The following USP34 variants were observed in gnomAD, a reference collection of about 807,000 sequenced individuals.
The protein encoded by USP34 is ubiquitin specific peptidase 34.
Under a neutral mutation model 460.3 loss-of-function variants are expected in USP34, and 70 were observed. That is an observed-to-expected ratio of 0.15 (90% CI 0.13 to 0.19). USP34 has a LOEUF of 0.19. Ranked by LOEUF, USP34 falls within the 10% of genes least tolerant of loss-of-function variation. The pLI is 1.00. For synonymous variants in USP34, 1,647 were observed against 1,405.3 expected, an observed-to-expected ratio of 1.17 and a Z score of -3.85; for missense variants, 3,985 against 4,236.2, an observed-to-expected ratio of 0.94 and a Z score of 1.65.
chr2:61,195,274 G>C (rs371175022), intron 75 of USP34, among the ~76,000 whole-genome samples: 1 of 151,634 alleles, frequency 6.6e-6, no homozygotes, highest in African/African-American at 2.4e-5. Flanking sequence ...TCAAACTCCT[G>C]GCATAATTCA....
At chr2:61,190,200 CAT>C in intron 78 of USP34, 69 bp downstream of exon 78, 1 of 1,509,666 alleles carries the variant, frequency 6.6e-7, no homozygotes, top group East Asian at 2.3e-5. Context: ...AGAGTAAAAT[CAT>C]ATGAAGGCCA....
intron 1 of USP34, among the ~76,000 whole-genome samples, chr2:61,453,015 A>G (rs1384050206): frequency 6.6e-6 from 1 of 152,072 alleles, no homozygotes; most frequent in African/African-American, 2.4e-5. Flanking sequence ...TAAAAATAGA[A>G]TATCTAATAT....
At chr2:61,295,144 T>C (rs776741907) in intron 31 of USP34, 24 bp downstream of exon 31, 65 of 1,601,104 alleles carry the variant, frequency 4.1e-5, no homozygotes, top group Non-Finnish European at 1.4e-5. Flanking sequence ...AAACATTTAA[T>C]GATAATAATG....
intron 2 of USP34, among the ~76,000 whole-genome samples, chr2:61,415,512 T>A (rs1320759439): frequency 2.0e-5 from 3 of 152,218 alleles, no homozygotes; most frequent in African/African-American, 7.2e-5. Context: ...GAAATCCTTA[T>A]ATATCATAAC....
intron 70 of USP34, chr2:61,208,068 G>GT (rs1019002544): frequency 1.3e-5 from 2 of 152,292 alleles, no homozygotes; most frequent in South Asian, 2.1e-4. Context: ...TTTTAACCCT[G>GT]TAATAGTCCT....
At chr2:61,227,743 AAAAC>A (rs1001109989) in intron 61 of USP34, among the ~76,000 whole-genome samples, 2 of 151,980 alleles carry the variant, frequency 1.3e-5, no homozygotes, top group African/African-American at 4.8e-5. Context: ...AAACAAAAAA[AAAAC>A]AAAAAACCTC....
At chr2:61,351,836 C>T (rs973508613) in intron 10 of USP34, among the ~76,000 whole-genome samples, 6 of 151,982 alleles carry the variant, frequency 3.9e-5, no homozygotes, top group Non-Finnish European at 7.4e-5. Context: ...CACTAAGTAT[C>T]CATTTAAAAA....
intron 48 of USP34, among the ~76,000 whole-genome samples, chr2:61,252,259 A>G (rs911239844): frequency 5.9e-5 from 9 of 152,188 alleles, no homozygotes; most frequent in African/African-American, 2.2e-4. Flanking sequence ...GACCCTATAT[A>G]AGTTACTTAA....
chr2:61,380,245 T>C lies in USP34; in HGVS notation c.938A>G (p.Glu313Gly). 2 of 1,614,190 alleles carry C rather than the reference T, an allele frequency of 1.2e-6. No homozygotes were observed. Among genetic ancestry groups the C allele is most frequent in the Non-Finnish European group, 1.7e-6 (2 of 1,180,016 alleles). ...PLDTTLCFDK[E>G]SLDLAFKYFM... Reference sequence around the variant, plus strand: ...GTACTTAAATGCAAGATCTAGGCTTTCTTTATCAAAGCATAATGTTGTATC... The same window carrying C: ...GTACTTAAATGCAAGATCTAGGCTTCCTTTATCAAAGCATAATGTTGTATC... Residue 313 changes from glutamate to glycine, a missense_variant, in exon 7 of 80, where the codon GAA becomes GGA. Physicochemically the swap from Glu to Gly is moderately conservative, Grantham distance 98. This residue lies in a region of USP34 where 70 missense variants were observed against 109.5 expected (regional missense o/e 0.64). Coordinates refer to ENST00000398571, the MANE Select transcript of USP34 (RefSeq NM_014709.4).
At chr2:61,215,520 C>G (rs530724164) in intron 67 of USP34, among the ~76,000 whole-genome samples, 3 of 152,116 alleles carry the variant, frequency 2.0e-5, no homozygotes, top group Non-Finnish European at 4.4e-5. Context: ...TTATTAGTTG[C>G]GCTAACCTGT....
At chr2:61,294,189 C>CA (rs1689950045) in intron 32 of USP34, among the ~76,000 whole-genome samples, 1 of 151,006 alleles carries the variant, frequency 6.6e-6, no homozygotes, top group Non-Finnish European at 1.5e-5. Context: ...ATTAAAAATA[C>CA]AAAAAAATTA....
chr2:61,244,674 T>C (rs1688373786), intron 51 of USP34, among the ~76,000 whole-genome samples: 1 of 152,166 alleles, frequency 6.6e-6, no homozygotes, highest in African/African-American at 2.4e-5. Flanking sequence ...GATGTCCTTT[T>C]TCTATCCAGT....
At chr2:61,392,644 G>A (rs1693386249) in intron 5 of USP34, among the ~76,000 whole-genome samples, 1 of 151,804 alleles carries the variant, frequency 6.6e-6, no homozygotes, top group Non-Finnish European at 1.5e-5. Flanking sequence ...ATAAAGTAAG[G>A]AAGAAAAAAC....
chr2:61,216,075 AG>A (rs759193311), intron 67 of USP34, among the ~76,000 whole-genome samples: 2 of 152,232 alleles, frequency 1.3e-5, no homozygotes, highest in Non-Finnish European at 2.9e-5. Flanking sequence ...AAACAAAGTT[AG>A]GGTTTCTAAA....
rs1337550106 is a variant in USP34 at position 61,335,497 on chromosome 2, T to C, written c.2745-1526A>G. On this transcript the variant is annotated intron_variant, in intron 18 of 79. Coordinates refer to ENST00000398571, the MANE Select transcript of USP34 (RefSeq NM_014709.4). ...AACGCATAATGGTTCATGCCTGTAA[T>C]CCCAACACTTTGGGAAGTCAAGGTG... 2.0e-5 allele frequency among the ~76,000 whole-genome samples: 3 copies of C among 152,132 alleles called. No homozygotes were observed. The East Asian group carries it at 5.8e-4, about 29-fold the overall frequency.
intron 67 of USP34, among the ~76,000 whole-genome samples, chr2:61,214,944 T>C (rs1475513629): frequency 1.3e-5 from 2 of 152,216 alleles, no homozygotes; most frequent in Non-Finnish European, 2.9e-5. Flanking sequence ...ACCACTTTTC[T>C]TTAGCTTGCC....
intron 75 of USP34, among the ~76,000 whole-genome samples, chr2:61,195,272 C>T (rs1686764877): frequency 6.6e-6 from 1 of 151,796 alleles, no homozygotes; most frequent in African/African-American, 2.4e-5. Flanking sequence ...TCTCAAACTC[C>T]TGGCATAATT....
intron 27 of USP34, among the ~76,000 whole-genome samples, chr2:61,310,986 A>T (rs1207184376): frequency 2.0e-5 from 3 of 152,142 alleles, no homozygotes; most frequent in Non-Finnish European, 4.4e-5. Flanking sequence ...ATCTGAAGCA[A>T]CTCTCAGCAT....
chr2:61,444,025 C>T (rs1695041998), intron 1 of USP34, among the ~76,000 whole-genome samples: 1 of 152,132 alleles, frequency 6.6e-6, no homozygotes, highest in African/African-American at 2.4e-5. Context: ...AACCCTAGCA[C>T]TCTGGGAGGC....
Sources: gnomAD v4.1 joint callset for allele counts (sites outside exome capture counted in the v4.1 genomes callset) on GRCh38, gnomAD v4.1.1 for gene constraint, gnomAD v4.1.1 regional missense constraint, MANE v1.5 for transcripts, NCBI Gene and HGNC (gene_info 2026-07-23, HGNC 2026-07-21) for gene names.